The following CDH23 variants were observed in gnomAD, a reference collection of about 807,000 sequenced individuals.
CDH23 encodes cadherin-23.
Under a neutral mutation model 317.1 loss-of-function variants are expected in CDH23, and 189 were observed. The observed-to-expected ratio is 0.60, with a 90% CI of 0.53 to 0.67. CDH23 has a LOEUF of 0.67. Among genes scored for constraint, CDH23 ranks in the 30% least tolerant of loss-of-function variants. CDH23 has a pLI of 0.00. For missense variants in CDH23, 4,401 were observed against 4,592.4 expected, an observed-to-expected ratio of 0.96 and a Z score of 1.20; for synonymous variants, 1,839 against 1,876.8, an observed-to-expected ratio of 0.98 and a Z score of 0.52.
intron 40 of CDH23, among the ~76,000 whole-genome samples, chr10:71,778,715 A>G (rs1290280385): frequency 6.6e-6 from 1 of 152,222 alleles, no homozygotes; most frequent in Non-Finnish European, 1.5e-5. Flanking sequence ...AAACCACGTA[A>G]GACAACCACA....
At chr10:71,799,384 T>G in intron 51 of CDH23, 104 bp downstream of exon 51, 1 of 1,602,786 alleles carries the variant, frequency 6.2e-7, no homozygotes, top group Non-Finnish European at 8.5e-7. Context: ...CCCCTGGGAG[T>G]GCCCAGCCCA....
intron 9 of CDH23, among the ~76,000 whole-genome samples, chr10:71,606,777 A>G (rs1860549988): frequency 6.6e-6 from 1 of 152,104 alleles, no homozygotes; most frequent in Non-Finnish European, 1.5e-5. Flanking sequence ...ACTGGGGAGG[A>G]ATCTGAGGAG....
At chr10:71,500,272 A>G (rs1853215955) in intron 3 of CDH23, among the ~76,000 whole-genome samples, 1 of 152,198 alleles carries the variant, frequency 6.6e-6, no homozygotes, top group African/African-American at 2.4e-5. Flanking sequence ...AAATAAATAC[A>G]TTTTAAAAAA....
At position 71,579,618 on chromosome 10, in the gene CDH23, C is replaced by T. The variant is rs546568987; in HGVS notation, c.832+1626C>T. 2.0e-5 allele frequency among the ~76,000 whole-genome samples: 3 copies of T among 152,248 alleles called. No individual in the cohort carries two copies. In the South Asian group the frequency reaches 6.2e-4, roughly 32 times the overall value. On this transcript the variant is annotated intron_variant, in intron 9 of 69. Coordinates refer to ENST00000224721, the MANE Select transcript of CDH23 (RefSeq NM_022124.6). ...CAAGAATGGTCCTTTCTCACAGCAC[C>T]CCAGGCAGCTCAGGTGCAGGCAGTC...
Position 71,689,627 on chromosome 10 carries a change from T to C in CDH23, c.2060-841T>C, listed in dbSNP as rs539685115. Among the ~76,000 whole-genome samples the C allele has an allele frequency of 2.6e-3, 403 of 152,318 alleles. 2 individuals carry two copies. The highest frequency in any genetic ancestry group is 9.3e-3 in the African/African-American group (388 of 41,566). ...TCCGCTGGATGGTCACCACCAGCCC[T>C]GCAGCCCAGTGGAGCTCCCTGTGGG... On this transcript the variant is annotated intron_variant, in intron 19 of 69. Transcript: ENST00000224721.
At chr10:71,580,585 A>C (rs1216971594) in intron 9 of CDH23, among the ~76,000 whole-genome samples, 1 of 152,334 alleles carries the variant, frequency 6.6e-6, no homozygotes, top group East Asian at 1.9e-4. Flanking sequence ...TGAGTGCAGT[A>C]TTCAATTGGC....
intron 9 of CDH23, among the ~76,000 whole-genome samples, chr10:71,596,118 C>T (rs1464910905): frequency 3.3e-5 from 5 of 152,022 alleles, no homozygotes; most frequent in African/African-American, 9.7e-5. Flanking sequence ...GAGGCACACA[C>T]CTCAGCAGTG....
chr10:71,690,483 T>C lies in CDH23; in HGVS notation c.2075T>C (p.Phe692Ser), dbSNP rs771707922. The C allele has an allele frequency of 6.2e-7, 1 of 1,607,692 alleles. No individual in the cohort carries two copies. The highest frequency in any genetic ancestry group is 1.1e-5 in the South Asian group (1 of 89,312). The change falls in exon 20 of 70, where the codon TTC (phenylalanine) becomes TCC (serine). Residue 692 changes from phenylalanine to serine, a missense_variant. Phe to Ser is a radical substitution (Grantham distance 155). Coordinates refer to ENST00000224721, the MANE Select transcript of CDH23 (RefSeq NM_022124.6). ...CCCCCTGAAGGAGCCACGGTGCTGTTCCTGAATGCCACAGACCTGGACCGC... is the reference window on the plus strand; with the variant it reads ...CCCCCTGAAGGAGCCACGGTGCTGTCCCTGAATGCCACAGACCTGGACCGC... Reference protein sequence around the residue: ...ENIMAGATVLFLNATDLDRSR... With the variant: ...ENIMAGATVLSLNATDLDRSR...
At chr10:71,742,522 T>C (rs1366530241) in intron 38 of CDH23, among the ~76,000 whole-genome samples, 1 of 152,182 alleles carries the variant, frequency 6.6e-6, no homozygotes, top group Non-Finnish European at 1.5e-5. Context: ...TGGAGATCTC[T>C]AGGAGCTGAT....
intron 18 of CDH23, among the ~76,000 whole-genome samples, chr10:71,683,758 G>A: frequency 6.6e-6 from 1 of 152,168 alleles, no homozygotes. Context: ...TTCAGGGAGT[G>A]TTGGGGGAAG....
At chr10:71,636,066 G>A (rs10823809) in intron 11 of CDH23, among the ~76,000 whole-genome samples, 77,621 of 151,850 alleles carry the variant, frequency 0.51, 20,777 homozygotes, top group Non-Finnish European at 0.61. Context: ...TTGGGGAAGG[G>A]GACACCAGCA....
At chr10:71,641,615 C>A (rs542122743) in intron 11 of CDH23, among the ~76,000 whole-genome samples, 4 of 152,212 alleles carry the variant, frequency 2.6e-5, no homozygotes, top group African/African-American at 9.6e-5. Context: ...AAGTTACAGG[C>A]CTCAACCCAG....
intron 3 of CDH23, among the ~76,000 whole-genome samples, chr10:71,490,549 T>G (rs1852596705): frequency 1.3e-5 from 2 of 152,178 alleles, no homozygotes; most frequent in South Asian, 4.1e-4. Context: ...AGGAGGAAAT[T>G]GAGGCCCAAA....
chr10:71,734,166 G>C (rs759097851), intron 32 of CDH23, 74 bp from the exon 33 acceptor site: 137 of 1,256,204 alleles, frequency 1.1e-4, no homozygotes, highest in Non-Finnish European at 1.5e-4. Context: ...CATGGAGGTG[G>C]AAAAGTGGGC....
At chr10:71,557,837 A>G (rs1856943980) in intron 6 of CDH23, among the ~76,000 whole-genome samples, 1 of 152,180 alleles carries the variant, frequency 6.6e-6, no homozygotes, top group African/African-American at 2.4e-5. Flanking sequence ...AAAATAATCA[A>G]CGTTTTTGAA....
At chr10:71,426,414 G>T (rs898220620) in intron 1 of CDH23, among the ~76,000 whole-genome samples, 12 of 152,180 alleles carry the variant, frequency 7.9e-5, no homozygotes, top group Admixed American at 7.8e-4. Context: ...GACAGGGAAG[G>T]CAGCCTCTGT....
At position 71,645,813 on chromosome 10, in the gene CDH23, T is replaced by C. The variant is rs758272167; in HGVS notation, c.1141-18T>C. On this transcript the variant is annotated intron_variant, in intron 12 of 69. Transcript: ENST00000224721. The stretch of plus-strand genomic sequence containing the variant: ...ACTGTGCCCTTCCTGACTGGCTTCT[T>C]CTGCACTCTTGACCCAGGGCCTGAA... The C allele has an allele frequency of 6.2e-7, 1 of 1,605,844 alleles. No homozygotes were observed. Among genetic ancestry groups the C allele is most frequent in the Non-Finnish European group, 8.5e-7 (1 of 1,173,732 alleles).
intron 38 of CDH23, chr10:71,742,173 T>C: frequency 1.8e-6 from 1 of 545,500 alleles, no homozygotes; most frequent in Non-Finnish European, 3.3e-6. Flanking sequence ...TTAGTCCTCT[T>C]TTCTCTCACA....
intron 11 of CDH23, among the ~76,000 whole-genome samples, chr10:71,624,598 G>T (rs1346505813): frequency 6.6e-6 from 1 of 152,164 alleles, no homozygotes; most frequent in Non-Finnish European, 1.5e-5. Flanking sequence ...TACTTGGGAG[G>T]CTGAGGCAGG....
Sources: gnomAD v4.1 joint callset for allele counts (sites outside exome capture counted in the v4.1 genomes callset) on GRCh38, gnomAD v4.1.1 for gene constraint, MANE v1.5 for transcripts, NCBI Gene and HGNC (gene_info 2026-07-23, HGNC 2026-07-21) for gene names.